CDK19: variants seen among roughly 807,000 people sequenced by gnomAD.
CDK19 encodes cyclin-dependent kinase 19.
Under a neutral mutation model 68.3 loss-of-function variants are expected in CDK19, and 20 were observed. The ratio of observed to expected loss-of-function variants is 0.29; its 90% confidence interval spans 0.21 to 0.43. CDK19 has a LOEUF of 0.43. Among genes scored for constraint, CDK19 ranks in the 20% least tolerant of loss-of-function variants. CDK19 has a pLI of 1.00. For synonymous variants in CDK19, 221 were observed against 222.8 expected (o/e 0.99, Z 0.07); for missense variants, 339 against 623.5 (o/e 0.54, Z 4.86).
intron 2 of CDK19, among the ~76,000 whole-genome samples, chr6:110,697,538 C>G (rs949081565): frequency 6.6e-6 from 1 of 152,114 alleles, no homozygotes; most frequent in African/African-American, 2.4e-5. Flanking sequence ...AACACATCCC[C>G]TGCTTATGGG....
intron 2 of CDK19, among the ~76,000 whole-genome samples, chr6:110,730,779 C>A (rs1776688724): frequency 6.6e-6 from 1 of 152,122 alleles, no homozygotes; most frequent in Non-Finnish European, 1.5e-5. Flanking sequence ...CGGCTGGGCA[C>A]AGTGGCTCAC....
At chr6:110,783,895 C>T (rs1164935465) in intron 1 of CDK19, among the ~76,000 whole-genome samples, 1 of 151,918 alleles carries the variant, frequency 6.6e-6, no homozygotes, top group Non-Finnish European at 1.5e-5. Context: ...CACGGTGGCT[C>T]ACGCCTGTTA....
rs79439116 is a variant in CDK19 at position 110,774,945 on chromosome 6, T to C, written c.129-28744A>G. On this transcript the variant is annotated intron_variant, in intron 1 of 12. Coordinates refer to ENST00000368911, the MANE Select transcript of CDK19 (RefSeq NM_015076.5). ...GCCTGGGCGACAGAGCAAGACCCTA[T>C]TTCAAAAGAAATACAAAATAGGCTG... 0.022 allele frequency among the ~76,000 whole-genome samples: 3,278 copies of C among 150,986 alleles called. 360 individuals are homozygous for C. In the East Asian group the frequency reaches 0.36, roughly 16 times the overall value.
chr6:110,673,155 G>C (rs2114462348), intron 2 of CDK19, among the ~76,000 whole-genome samples: 1 of 152,186 alleles, frequency 6.6e-6, no homozygotes, highest in South Asian at 2.1e-4. Context: ...CTATGAATTT[G>C]ACTGTTCTTG....
At chr6:110,799,457 A>C (rs969254095) in intron 1 of CDK19, among the ~76,000 whole-genome samples, 1 of 152,220 alleles carries the variant, frequency 6.6e-6, no homozygotes, top group Non-Finnish European at 1.5e-5. Flanking sequence ...AAAATGGCAC[A>C]GTATTTGCAT....
chr6:110,683,466 A>G (rs1261636828), intron 2 of CDK19, among the ~76,000 whole-genome samples: 1 of 152,136 alleles, frequency 6.6e-6, no homozygotes, highest in East Asian at 1.9e-4. Flanking sequence ...TTTCCTTGCC[A>G]AAGTCCATGA....
rs181132910 is a variant in CDK19, at chr6:110,727,817, A to G, written c.204+18309T>C. On this transcript the variant is annotated intron_variant, in intron 2 of 12. Coordinates refer to ENST00000368911, the MANE Select transcript of CDK19 (RefSeq NM_015076.5). The stretch of plus-strand genomic sequence containing the variant: ...CCGAGACCTCATCTCTACTAAAAAA[A>G]AAAGAAAGAAAGAAAGAAAATTAGC... Among the ~76,000 whole-genome samples, 148 of 152,040 alleles carry G rather than the reference A, an allele frequency of 9.7e-4. 1 individual carries two copies. In the South Asian group the frequency reaches 0.011, roughly 11 times the overall value.
intron 1 of CDK19, among the ~76,000 whole-genome samples, chr6:110,798,628 GAAAA>G (rs59236293): frequency 1.6e-4 from 9 of 56,734 alleles, no homozygotes; most frequent in South Asian, 6.7e-4. Flanking sequence ...TCTGTCTCCA[GAAAA>G]AAAAAAAAAA....
chr6:110,752,515 C>T (rs1778541390), intron 1 of CDK19, among the ~76,000 whole-genome samples: 1 of 152,180 alleles, frequency 6.6e-6, no homozygotes, highest in African/African-American at 2.4e-5. Flanking sequence ...AATACTAGCA[C>T]ACTCTTTATG....
At chr6:110,732,924 AG>A (rs1210169395) in intron 2 of CDK19, among the ~76,000 whole-genome samples, 1 of 151,884 alleles carries the variant, frequency 6.6e-6, no homozygotes, top group Non-Finnish European at 1.5e-5. Flanking sequence ...AAAATTAGCC[AG>A]GTGTGGTGGT....
chr6:110,711,585 C>A (rs1298673481), intron 2 of CDK19, among the ~76,000 whole-genome samples: 1 of 151,966 alleles, frequency 6.6e-6, no homozygotes, highest in Non-Finnish European at 1.5e-5. Context: ...TGGAAGACAA[C>A]AATATGACAC....
intron 4 of CDK19, among the ~76,000 whole-genome samples, chr6:110,658,683 A>G (rs1187056149): frequency 4.6e-5 from 7 of 152,238 alleles, no homozygotes; most frequent in Non-Finnish European, 1.0e-4. Flanking sequence ...ATTTAAATAT[A>G]AACAGGATAA....
Position 110,614,600 on chromosome 6 carries a change from CA to C in CDK19, c.1443del (p.Gly482AlafsTer79). 6.2e-7 allele frequency: 1 copy of C among 1,613,684 alleles called. No homozygotes were observed. Among genetic ancestry groups the C allele is most frequent in the Non-Finnish European group, 8.5e-7 (1 of 1,179,704 alleles). On this transcript the variant is annotated frameshift_variant, in exon 13 of 13. Transcript: ENST00000368911. LOFTEE classifies it high-confidence loss of function. ...CTCTGCTGAGACGAGGAAGAGTAGC[CA>C]AGTGTGCTCTGGGACTGAGAGGATC... ...VQGSSQSQST[L>X]GYSSSSQQSS...
chr6:110,784,168 A>AG (rs1235816049), intron 1 of CDK19, among the ~76,000 whole-genome samples: 1 of 149,632 alleles, frequency 6.7e-6, no homozygotes, highest in East Asian at 1.9e-4. Flanking sequence ...CAAAAAAAAA[A>AG]AAAAAAAAAG....
At chr6:110,809,182 T>TC (rs1416188399) in intron 1 of CDK19, among the ~76,000 whole-genome samples, 1 of 142,362 alleles carries the variant, frequency 7.0e-6, no homozygotes, top group Non-Finnish European at 1.5e-5. Context: ...GCCACTGCAC[T>TC]CCAGCCTGGG....
At chr6:110,724,425 T>C (rs1472851870) in intron 2 of CDK19, among the ~76,000 whole-genome samples, 1 of 152,108 alleles carries the variant, frequency 6.6e-6, no homozygotes, top group Non-Finnish European at 1.5e-5. Flanking sequence ...ACTGCCCTGC[T>C]CATCCTTAGG....
chr6:110,643,764 A>G (rs1022615861), intron 4 of CDK19, among the ~76,000 whole-genome samples: 6 of 152,222 alleles, frequency 3.9e-5, no homozygotes, highest in Admixed American at 1.3e-4. Flanking sequence ...TTGGGAATAA[A>G]ATACCGCATT....
intron 2 of CDK19, among the ~76,000 whole-genome samples, chr6:110,721,744 T>A (rs1230934511): frequency 6.6e-6 from 1 of 152,124 alleles, no homozygotes; most frequent in Admixed American, 6.6e-5. Context: ...GGCAGGCAGA[T>A]CACAAATCAA....
chr6:110,717,652 T>G (rs1299969846), intron 2 of CDK19, among the ~76,000 whole-genome samples: 1 of 152,194 alleles, frequency 6.6e-6, no homozygotes, highest in African/African-American at 2.4e-5. Flanking sequence ...CGGGGGTGAT[T>G]AAGTTCAGAG....
Sources: gnomAD v4.1 joint callset for allele counts (sites outside exome capture counted in the v4.1 genomes callset) on GRCh38, gnomAD v4.1.1 for gene constraint, MANE v1.5 for transcripts, NCBI Gene and HGNC (gene_info 2026-07-23, HGNC 2026-07-21) for gene names.